CXADR: variants seen among roughly 807,000 people sequenced by gnomAD.
CXADR encodes CXADR cell adhesion molecule, also known as coxsackievirus and adenovirus receptor.
Under a neutral mutation model 40.3 loss-of-function variants are expected in CXADR, and 20 were observed. The ratio of observed to expected loss-of-function variants is 0.50; its 90% confidence interval spans 0.35 to 0.72. The LOEUF (loss-of-function observed/expected upper bound fraction) is 0.72, where lower values mean the gene tolerates loss of function less well. CXADR is among the 30% of genes least tolerant of loss of function. The pLI is 0.01. For synonymous variants in CXADR, 150 were observed against 161.3 expected, an observed-to-expected ratio of 0.93 and a Z score of 0.53; for missense variants, 332 against 449.1, an observed-to-expected ratio of 0.74 and a Z score of 2.36.
chr21:17,572,221 A>AAAG (rs33915194), downstream of CXADR, among the ~76,000 whole-genome samples: 4 of 149,188 alleles, frequency 2.7e-5, no homozygotes, highest in East Asian at 8.0e-4. Context: ...AAAAAAAAAA[A>AAAG]TTAGGCAGGC....
At chr21:17,539,531 T>C (rs775274485) in intron 1 of CXADR, among the ~76,000 whole-genome samples, 2 of 152,248 alleles carry the variant, frequency 1.3e-5, no homozygotes, top group Non-Finnish European at 2.9e-5. Flanking sequence ...ACTGGTATTA[T>C]TCAACATTTA....
At chr21:17,611,498 G>A in the CXADR span, among the ~76,000 whole-genome samples, 260 of 152,274 alleles carry the variant, frequency 1.7e-3, 3 homozygotes, top group Non-Finnish European at 2.2e-3. Context: ...TTGAAGAAAT[G>A]ATAGCTCGAA....
chr21:17,535,427 G>C (rs990345949), intron 1 of CXADR, among the ~76,000 whole-genome samples: 1 of 151,370 alleles, frequency 6.6e-6, no homozygotes, highest in Non-Finnish European at 1.5e-5. Context: ...TGAACTCCTG[G>C]ACTCAAGTGA....
In CXADR at chr21:17,559,286, C is replaced by A. The variant is rs538088525; in HGVS notation, c.571+155C>A. Among the ~76,000 whole-genome samples, 4 of 152,138 alleles carry A rather than the reference C, an allele frequency of 2.6e-5. No individual in the cohort carries two copies. In the South Asian group the frequency reaches 8.3e-4, roughly 32 times the overall value. ...CTTCAACCTCCTAGGCTCAAGTCATCCTCCCACCTCAGCCTCCCAGTTAGC... is the reference window on the plus strand; with the variant it reads ...CTTCAACCTCCTAGGCTCAAGTCATACTCCCACCTCAGCCTCCCAGTTAGC... On this transcript the variant is annotated intron_variant, in intron 4 of 6. Coordinates refer to ENST00000284878, the MANE Select transcript of CXADR (RefSeq NM_001338.5).
intron 2 of CXADR, among the ~76,000 whole-genome samples, chr21:17,551,061 G>C (rs1009011550): frequency 2.0e-5 from 3 of 152,112 alleles, no homozygotes; most frequent in African/African-American, 7.2e-5. Context: ...TGTTACACTT[G>C]GTTGGCAAAC....
chr21:17,602,257 C>T, the CXADR span, among the ~76,000 whole-genome samples: 2,560 of 152,168 alleles, frequency 0.017, 71 homozygotes, highest in African/African-American at 0.057. Flanking sequence ...TTCTGTATCA[C>T]GAAGTGATAA....
At chr21:17,521,277 A>G (rs1204484642) in intron 1 of CXADR, among the ~76,000 whole-genome samples, 4 of 152,128 alleles carry the variant, frequency 2.6e-5, no homozygotes, top group Non-Finnish European at 4.4e-5. Flanking sequence ...GAAAGTTCCC[A>G]TGGGGAAGAC....
chr21:17,624,302 A>G, the CXADR span, among the ~76,000 whole-genome samples: 2 of 152,228 alleles, frequency 1.3e-5, no homozygotes, highest in Admixed American at 1.3e-4. Flanking sequence ...AGCTTAAAGC[A>G]ACATAAATTT....
At chr21:17,621,895 A>G in the CXADR span, among the ~76,000 whole-genome samples, 1 of 152,256 alleles carries the variant, frequency 6.6e-6, no homozygotes, top group African/African-American at 2.4e-5. Flanking sequence ...TACAAGTTGT[A>G]TTATGAATTA....
chr21:17,556,061 T>C (rs2123287299), intron 3 of CXADR, among the ~76,000 whole-genome samples: 1 of 152,320 alleles, frequency 6.6e-6, no homozygotes, highest in East Asian at 1.9e-4. Context: ...TACAACTTGA[T>C]GGTCACATAC....
the CXADR span, among the ~76,000 whole-genome samples, chr21:17,605,539 C>T: frequency 6.6e-6 from 1 of 152,102 alleles, no homozygotes; most frequent in Non-Finnish European, 1.5e-5. Flanking sequence ...TCATTCATAT[C>T]ATATACTTAT....
chr21:17,566,554 A>G lies in CXADR; in HGVS notation c.*862A>G. On this transcript the variant is annotated 3_prime_UTR_variant, in exon 7 of 7. Coordinates refer to ENST00000284878, the MANE Select transcript of CXADR (RefSeq NM_001338.5). Reference sequence around the variant, plus strand: ...TAGTATCTCATAGTTCCCAGGTGATATTTTTCTTATTAGAAAAATATTATA... The same window carrying G: ...TAGTATCTCATAGTTCCCAGGTGATGTTTTTCTTATTAGAAAAATATTATA... 5 of 984,376 alleles carry G rather than the reference A, an allele frequency of 5.1e-6. No individual in the cohort carries two copies. The highest frequency in any genetic ancestry group is 6.0e-6 in the Non-Finnish European group (5 of 829,040). 61.0% of individuals were successfully genotyped at this position (984,376 alleles called of 1,614,324 possible).
chr21:17,543,800 G>T (rs964399930), intron 1 of CXADR, among the ~76,000 whole-genome samples: 6 of 152,058 alleles, frequency 3.9e-5, no homozygotes, highest in Non-Finnish European at 7.4e-5. Context: ...AGTAAATCAG[G>T]GCATGCATTT....
chr21:17,594,526 T>A (rs769223899), downstream of CXADR, among the ~76,000 whole-genome samples: 2 of 152,050 alleles, frequency 1.3e-5, no homozygotes, highest in Non-Finnish European at 2.9e-5. Context: ...TGACCAATGT[T>A]TTCTGAATGC....
chr21:17,559,930 C>A (rs556519051), intron 4 of CXADR, among the ~76,000 whole-genome samples: 38 of 151,280 alleles, frequency 2.5e-4, no homozygotes, highest in Admixed American at 5.9e-4. Flanking sequence ...CCACCCACCT[C>A]AGCCTCCCAA....
chr21:17,537,388 A>G (rs2060772379), intron 1 of CXADR, among the ~76,000 whole-genome samples: 1 of 152,226 alleles, frequency 6.6e-6, no homozygotes, highest in South Asian at 2.1e-4. Context: ...CACTTCCCTC[A>G]GAGATCTCAA....
chr21:17,528,742 C>A (rs2123153639), intron 1 of CXADR, among the ~76,000 whole-genome samples: 1 of 152,254 alleles, frequency 6.6e-6, no homozygotes, highest in East Asian at 1.9e-4. Flanking sequence ...ATCTTCACTT[C>A]TAAAATCTTG....
the CXADR span, among the ~76,000 whole-genome samples, chr21:17,617,107 T>C: frequency 6.6e-6 from 1 of 152,216 alleles, no homozygotes; most frequent in Admixed American, 6.5e-5. Context: ...TTGGCTCATC[T>C]TTTTCAGAAG....
rs748426780 is a variant in CXADR at position 17,561,317 on chromosome 21, TATTA to T, written c.695-17_695-14del. The T allele has an allele frequency of 7.0e-6, 10 of 1,434,332 alleles. No homozygotes were observed. The highest frequency in any genetic ancestry group is 2.7e-5 in the South Asian group (2 of 74,988). 88.9% of individuals were successfully genotyped at this position (1,434,332 alleles called of 1,614,324 possible). A position where few individuals can be genotyped will look rare whatever the true frequency, so the allele number is the denominator to read the frequency against. On this transcript the variant is annotated splice_polypyrimidine_tract_variant and intron_variant, in intron 5 of 6. Coordinates refer to ENST00000284878, the MANE Select transcript of CXADR (RefSeq NM_001338.5). ...ATGTATATATGTATATATTTTTTAC[TATTA>T]ATTCTTCTTATTTTAGCTTCAAATA...
Sources: allele counts gnomAD v4.1 joint callset (sites outside exome capture counted in the v4.1 genomes callset), GRCh38; gene constraint gnomAD v4.1.1; transcripts MANE v1.5; gene names NCBI Gene and HGNC (gene_info 2026-07-23, HGNC 2026-07-21).